WNT11: variants seen among roughly 807,000 people sequenced by gnomAD.
The protein encoded by WNT11 is Wnt family member 11, also known as protein Wnt-11.
WNT11 carries 20 observed loss-of-function variants against 35.6 expected under a neutral mutation model. The observed-to-expected ratio is 0.56, with a 90% CI of 0.40 to 0.82. WNT11 has a LOEUF of 0.82. WNT11 is among the 40% of genes least tolerant of loss of function. WNT11 has a pLI of 0.00. For synonymous variants in WNT11, 200 were observed against 211.9 expected, an observed-to-expected ratio of 0.94 and a Z score of 0.49; for missense variants, 459 against 504.4, an observed-to-expected ratio of 0.91 and a Z score of 0.86.
chr11:76,192,286 CA>C (rs1388125474), intron 3 of WNT11, among the ~76,000 whole-genome samples: 4 of 152,158 alleles, frequency 2.6e-5, no homozygotes, highest in Non-Finnish European at 5.9e-5. Context: ...AGGCTGATTC[CA>C]AAAGTGGTGG....
chr11:76,198,282 A>G (rs1953319218), intron 1 of WNT11, among the ~76,000 whole-genome samples: 1 of 152,222 alleles, frequency 6.6e-6, no homozygotes, highest in South Asian at 2.1e-4. Context: ...CCCAGGGCTG[A>G]CACTCTGTGG....
intron 4 of WNT11, among the ~76,000 whole-genome samples, chr11:76,190,156 C>T (rs1953161532): frequency 6.6e-6 from 1 of 152,164 alleles, no homozygotes; most frequent in East Asian, 1.9e-4. Context: ...GCCCTCCCCA[C>T]TGTGCGGAAG....
At position 76,194,759 on chromosome 11, in the gene WNT11, C is replaced by T. The variant is rs1238373801; in HGVS notation, c.405G>A (p.Leu135=). 1.3e-6 allele frequency: 2 copies of T among 1,554,412 alleles called. No homozygotes were observed. The highest frequency in any genetic ancestry group is 1.7e-6 in the Non-Finnish European group (2 of 1,150,626). Residue 135 remains leucine, a synonymous_variant, in exon 3 of 5, where the codon CTG becomes CTA. Coordinates refer to ENST00000322563, the MANE Select transcript of WNT11 (RefSeq NM_004626.3). This position sits in a 1 kb window ranked among gnomAD's most constrained non-coding sequence, Gnocchi z 5.4. ...AIARACTSGD[L]PGCSCGPVPG... is the part of the protein sequence containing the mutation. ...GGACGGGGCCGCAGGAGCAGCCGGG[C>T]AGGTCGCCGGAGGTGCAGGCCCGGG...
At chr11:76,202,540 C>T (rs972426781) in intron 1 of WNT11, among the ~76,000 whole-genome samples, 1 of 152,130 alleles carries the variant, frequency 6.6e-6, no homozygotes, top group African/African-American at 2.4e-5. Context: ...CCAGGCAAGC[C>T]CAGCCTCTCC....
At chr11:76,189,943 C>T (rs533675530) in intron 4 of WNT11, among the ~76,000 whole-genome samples, 48 of 152,314 alleles carry the variant, frequency 3.2e-4, no homozygotes, top group African/African-American at 1.1e-3. Context: ...GGCAGGAAAC[C>T]TGTGGGGGCT....
intron 1 of WNT11, among the ~76,000 whole-genome samples, chr11:76,203,794 A>C (rs1953425617): frequency 1.3e-5 from 2 of 152,204 alleles, no homozygotes; most frequent in Non-Finnish European, 2.9e-5. Flanking sequence ...CTCACTCTCC[A>C]AAGCCCAGGC....
upstream of WNT11, among the ~76,000 whole-genome samples, chr11:76,210,163 C>T (rs1953542939): frequency 6.6e-6 from 1 of 151,144 alleles, no homozygotes; most frequent in South Asian, 2.1e-4. Flanking sequence ...GCCTGGGGTG[C>T]GGGGGCAGAA....
At chr11:76,189,559 C>T (rs1953149081) in intron 4 of WNT11, among the ~76,000 whole-genome samples, 3 of 152,196 alleles carry the variant, frequency 2.0e-5, no homozygotes, top group African/African-American at 7.2e-5. Context: ...AGGGAGGCAG[C>T]CTCTAGAGAT....
chr11:76,197,806 G>A (rs1289232962), intron 1 of WNT11, among the ~76,000 whole-genome samples: 5 of 152,022 alleles, frequency 3.3e-5, no homozygotes, highest in South Asian at 2.1e-4. Context: ...TCGATCTGCC[G>A]TTCTCCTAGG....
intron 1 of WNT11, among the ~76,000 whole-genome samples, chr11:76,197,422 G>C (rs1462296689): frequency 6.6e-6 from 1 of 152,198 alleles, no homozygotes; most frequent in African/African-American, 2.4e-5. Flanking sequence ...GGGCCTCAGT[G>C]TTTGTACTTA....
chr11:76,188,882 C>T (rs992534933), intron 4 of WNT11, among the ~76,000 whole-genome samples: 2 of 152,194 alleles, frequency 1.3e-5, no homozygotes, highest in Non-Finnish European at 2.9e-5. Flanking sequence ...GCCCTCAGAA[C>T]AGTGAGAGCA....
Position 76,194,433 on chromosome 11 carries a change from T to C in WNT11, c.597+134A>G, listed in dbSNP as rs370777301. The C allele has an allele frequency of 1.1e-3, 1,215 of 1,071,110 alleles. 2 individuals carry two copies. The highest frequency in any genetic ancestry group is 0.011 in the African/African-American group (671 of 62,140). The allele number at this position is 1,071,110 out of a possible 1,614,324, so 66.4% of individuals were successfully genotyped here. A position where few individuals can be genotyped will look rare whatever the true frequency, so the allele number is the denominator to read the frequency against. ...AGGGAAGGGCTGAGGATGAGGATGG[T>C]GCGAGGCACATCAGGTGTGGGCCAG... On this transcript the variant is annotated intron_variant, in intron 3 of 4. Coordinates refer to ENST00000322563, the MANE Select transcript of WNT11 (RefSeq NM_004626.3). This position sits in a 1 kb window ranked among gnomAD's most constrained non-coding sequence, Gnocchi z 5.4.
Position 76,206,306 on chromosome 11 carries a change from A to G in WNT11, c.83+19T>C. ...CCCAGTCCCTGGCCTGTGCGCGTGGACGCGGGGTCCCTACTCACAGCCACT... is the reference window on the plus strand; with the variant it reads ...CCCAGTCCCTGGCCTGTGCGCGTGGGCGCGGGGTCCCTACTCACAGCCACT... On this transcript the variant is annotated intron_variant, in intron 1 of 4. Transcript: ENST00000322563. 1 of 1,522,514 alleles carries G rather than the reference A, an allele frequency of 6.6e-7. No homozygotes were observed. The highest frequency in any genetic ancestry group is 1.2e-5 in the South Asian group (1 of 80,436). The allele number at this position is 1,522,514 out of a possible 1,614,324, so 94.3% of individuals were successfully genotyped here.
upstream of WNT11, among the ~76,000 whole-genome samples, chr11:76,209,504 A>G (rs1953527300): frequency 6.6e-6 from 1 of 152,220 alleles, no homozygotes; most frequent in Middle Eastern, 3.4e-3. Context: ...CGGGTCCCGA[A>G]GCCTCCCGCC....
intron 1 of WNT11, among the ~76,000 whole-genome samples, chr11:76,199,124 C>T (rs988515595): frequency 6.6e-6 from 1 of 151,852 alleles, no homozygotes; most frequent in Non-Finnish European, 1.5e-5. Context: ...TAGAACGAGA[C>T]TCTGTCTCAA....
chr11:76,202,332 C>G (rs961059246), intron 1 of WNT11, among the ~76,000 whole-genome samples: 7 of 152,206 alleles, frequency 4.6e-5, no homozygotes, highest in African/African-American at 1.7e-4. Context: ...CAGTCTTGCC[C>G]TGGAATCCCC....
At chr11:76,202,532 A>T (rs984405111) in intron 1 of WNT11, among the ~76,000 whole-genome samples, 1 of 152,106 alleles carries the variant, frequency 6.6e-6, no homozygotes, top group Non-Finnish European at 1.5e-5. Context: ...TAGGCCACCC[A>T]GGCAAGCCCA....
chr11:76,193,391 C>T (rs568884590), intron 3 of WNT11, among the ~76,000 whole-genome samples: 293 of 151,358 alleles, frequency 1.9e-3, no homozygotes, highest in African/African-American at 7.0e-3. Flanking sequence ...CCCAGCTGGC[C>T]TGGCCATGAT....
Position 76,191,668 on chromosome 11 carries a change from G to C in WNT11, c.786C>G (p.Asp262Glu), listed in dbSNP as rs769482761. ...MGTRKHLVPK[D>E]LDIRPVKDSE... ...AGTCCTTCACAGGCCGGATATCCAG[G>C]TCCTTGGGCACCAGGTGCTTGCGGG... Residue 262 changes from aspartate (D) to glutamate (E), a missense_variant, in exon 4 of 5, where the codon GAC (aspartate) becomes GAG (glutamate). By Grantham distance (45) the Asp-to-Glu change is conservative (BLOSUM62 2). Coordinates refer to ENST00000322563, the MANE Select transcript of WNT11 (RefSeq NM_004626.3). The C allele has an allele frequency of 2.5e-5, 41 of 1,613,924 alleles. No homozygotes were observed. Among genetic ancestry groups the C allele is most frequent in the Non-Finnish European group, 2.6e-5 (31 of 1,180,044 alleles).
Sources: gnomAD v4.1 joint callset for allele counts (sites outside exome capture counted in the v4.1 genomes callset) on GRCh38, gnomAD v4.1.1 for gene constraint, Gnocchi (gnomAD v3.1) non-coding constraint, MANE v1.5 for transcripts, NCBI Gene and HGNC (gene_info 2026-07-23, HGNC 2026-07-21) for gene names.